Variants in HS6ST3 observed in about 807,000 individuals in gnomAD.
The protein encoded by HS6ST3 is heparan-sulfate 6-O-sulfotransferase 3.
A neutral mutation model predicts 36.7 loss-of-function variants in HS6ST3; 12 were observed. The ratio of observed to expected loss-of-function variants is 0.33; its 90% CI spans 0.21 to 0.53. The LOEUF is 0.53. HS6ST3 is among the 20% of genes least tolerant of loss of function. The probability of loss-of-function intolerance (pLI) is 0.95; values close to 1 mark genes in which losing one functional copy is unlikely to be tolerated. For synonymous variants in HS6ST3, 240 were observed against 257.5 expected (o/e 0.93, Z 0.65); for missense variants, 584 against 640.9 (o/e 0.91, Z 0.96).
At chr13:96,706,442 A>G (rs555729331) in intron 1 of HS6ST3, among the ~76,000 whole-genome samples, 1,688 of 102,272 alleles carry the variant, frequency 0.017, 50 homozygotes, top group African/African-American at 0.075. Flanking sequence ...TATATATATA[A>G]TCAGGGAAAG....
At chr13:96,098,505 C>T (rs949562035) in intron 1 of HS6ST3, among the ~76,000 whole-genome samples, 5 of 151,888 alleles carry the variant, frequency 3.3e-5, no homozygotes, top group Non-Finnish European at 5.9e-5. Flanking sequence ...GATTTGTGAC[C>T]GTAATTGGGG....
intron 1 of HS6ST3, among the ~76,000 whole-genome samples, chr13:96,397,193 A>G (rs1180570017): frequency 6.6e-6 from 1 of 152,150 alleles, no homozygotes; most frequent in African/African-American, 2.4e-5. Flanking sequence ...ACAAAGCAAG[A>G]CTCTGTCTCA....
At chr13:96,759,123 T>C (rs1876905638) in intron 1 of HS6ST3, among the ~76,000 whole-genome samples, 1 of 151,918 alleles carries the variant, frequency 6.6e-6, no homozygotes, top group Admixed American at 6.6e-5. Flanking sequence ...ACCTTTCTTA[T>C]ATTTACGTTT....
chr13:96,290,382 G>A (rs1208587295), intron 1 of HS6ST3, among the ~76,000 whole-genome samples: 4 of 152,072 alleles, frequency 2.6e-5, no homozygotes, highest in Non-Finnish European at 5.9e-5. Context: ...TTTGTATTCG[G>A]TACAATTGCA....
rs148800874 is a variant in HS6ST3, at chr13:96,434,519, A to G, written c.707+342950A>G. On this transcript the variant is annotated intron_variant, in intron 1 of 1. Transcript: ENST00000376705. ...ACTGATTGGCCTCCAAATACAGTTC[A>G]GGTTCACCCAAAGTTGGAGACCAGC... Among the ~76,000 whole-genome samples, 12 of 152,246 alleles carry G rather than the reference A, an allele frequency of 7.9e-5. No individual in the cohort carries two copies. In the East Asian group the frequency reaches 2.3e-3, roughly 29 times the overall value.
chr13:96,226,843 A>C (rs960968123), intron 1 of HS6ST3, among the ~76,000 whole-genome samples: 2 of 152,222 alleles, frequency 1.3e-5, no homozygotes, highest in African/African-American at 4.8e-5. Flanking sequence ...TGTCAAGTAC[A>C]AGGCAAAGTC....
intron 1 of HS6ST3, among the ~76,000 whole-genome samples, chr13:96,165,893 A>G (rs2054157855): frequency 6.6e-6 from 1 of 152,140 alleles, no homozygotes; most frequent in South Asian, 2.1e-4. Context: ...AGGGTACAAC[A>G]AAAATTGCAT....
intron 1 of HS6ST3, among the ~76,000 whole-genome samples, chr13:96,518,881 C>G (rs2056082860): frequency 6.6e-6 from 1 of 152,128 alleles, no homozygotes. Flanking sequence ...TCTAATGAAG[C>G]AGGATTCATG....
intron 1 of HS6ST3, among the ~76,000 whole-genome samples, chr13:96,540,804 C>G (rs1360870646): frequency 1.3e-5 from 2 of 152,114 alleles, no homozygotes. Flanking sequence ...GTTCTGAGGA[C>G]CTTCTGGAAT....
chr13:96,699,766 A>T (rs190012270), intron 1 of HS6ST3, among the ~76,000 whole-genome samples: 279 of 152,314 alleles, frequency 1.8e-3, no homozygotes, highest in African/African-American at 6.5e-3. Flanking sequence ...GGATTATAAA[A>T]CATGCTGCTA....
At chr13:96,611,967 AAG>A (rs1333095616) in intron 1 of HS6ST3, among the ~76,000 whole-genome samples, 3 of 152,196 alleles carry the variant, frequency 2.0e-5, no homozygotes, top group Non-Finnish European at 4.4e-5. Context: ...TGGATTCCAG[AAG>A]CAACAACGTG....
At chr13:96,754,325 C>T (rs555828600) in intron 1 of HS6ST3, among the ~76,000 whole-genome samples, 2 of 152,102 alleles carry the variant, frequency 1.3e-5, no homozygotes, top group Non-Finnish European at 2.9e-5. Context: ...TCTACCAAAT[C>T]CATTTTGTAA....
rs2056569364 is a variant in HS6ST3, at chr13:96,641,341, C to G, written c.708-191149C>G. On this transcript the variant is annotated intron_variant, in intron 1 of 1. Transcript: ENST00000376705. ...TGAACTGTATTGCTGTATAGAAATG[C>G]TACTGATCTTTGGACATTGATTTTT... Among the ~76,000 whole-genome samples the G allele has an allele frequency of 2.0e-5, 3 of 151,190 alleles. No individual in the cohort carries two copies. The South Asian group carries it at 6.3e-4, about 32-fold the overall frequency.
At chr13:96,098,113 G>C (rs1236890046) in intron 1 of HS6ST3, among the ~76,000 whole-genome samples, 1 of 152,184 alleles carries the variant, frequency 6.6e-6, no homozygotes, top group Non-Finnish European at 1.5e-5. Context: ...TATTGGACTT[G>C]TTGGACTATT....
At chr13:96,684,222 C>T (rs1455244334) in intron 1 of HS6ST3, among the ~76,000 whole-genome samples, 1 of 151,986 alleles carries the variant, frequency 6.6e-6, no homozygotes, top group Non-Finnish European at 1.5e-5. Flanking sequence ...CTTGATCTCT[C>T]TTTTTAAATT....
At chr13:96,436,466 C>T (rs1187522980) in intron 1 of HS6ST3, among the ~76,000 whole-genome samples, 6 of 152,078 alleles carry the variant, frequency 3.9e-5, no homozygotes, top group Non-Finnish European at 7.4e-5. Flanking sequence ...CCAAACACAC[C>T]GATGTTATTG....
chr13:96,526,677 T>C (rs2056115707), intron 1 of HS6ST3, among the ~76,000 whole-genome samples: 1 of 152,314 alleles, frequency 6.6e-6, no homozygotes, highest in East Asian at 1.9e-4. Flanking sequence ...CCTTTTCTTA[T>C]TTAGTTGCTT....
Position 96,284,757 on chromosome 13 carries a change from TG to T in HS6ST3, c.707+193189del, listed in dbSNP as rs564795060. ...TAAAGAGGATACTGGTCTGCTTGCT[TG>T]CTTGCTTGCTTGCTTGCTTGCTTGC... On this transcript the variant is annotated intron_variant, in intron 1 of 1. Transcript: ENST00000376705. Among the ~76,000 whole-genome samples the T allele has an allele frequency of 4.3e-3, 283 of 65,222 alleles. 1 individual carries two copies. Among genetic ancestry groups the T allele is most frequent in the African/African-American group, 0.016 (265 of 16,304 alleles). The allele number at this position is 65,222 out of a possible 152,430, so 42.8% of individuals were successfully genotyped here.
intron 1 of HS6ST3, among the ~76,000 whole-genome samples, chr13:96,127,582 A>G (rs1379808282): frequency 6.6e-6 from 1 of 152,082 alleles, no homozygotes; most frequent in Non-Finnish European, 1.5e-5. Flanking sequence ...CCCCTGCTCT[A>G]TGTGATTAAT....
Sources: allele counts gnomAD v4.1 joint callset (sites outside exome capture counted in the v4.1 genomes callset), GRCh38; gene constraint gnomAD v4.1.1; transcripts MANE v1.5; gene names NCBI Gene and HGNC (gene_info 2026-07-23, HGNC 2026-07-21).